USP10: variants seen among roughly 807,000 people sequenced by gnomAD.
USP10 encodes the protein ubiquitin specific peptidase 10.
Under a neutral mutation model 84.5 loss-of-function variants are expected in USP10, and 22 were observed. The ratio of observed to expected loss-of-function variants is 0.26; its 90% CI spans 0.19 to 0.37. USP10 has a LOEUF of 0.37. Ranked by LOEUF, USP10 falls within the 10% of genes least tolerant of loss-of-function variation. The pLI is 1.00. For synonymous variants in USP10, 454 were observed against 387.6 expected (o/e 1.17, Z -2.01); for missense variants, 1,019 against 998.9 (o/e 1.02, Z -0.27).
intron 11 of USP10, 67 bp from the exon 12 acceptor site, chr16:84,772,474 G>T (rs1018908887): frequency 7.3e-5 from 116 of 1,599,844 alleles, no homozygotes; most frequent in Non-Finnish European, 9.4e-5. Flanking sequence ...TGAGCGGAAG[G>T]TGGATGTGGT....
In USP10 at chr16:84,745,609, G is replaced by C. The variant is rs745745204; in HGVS notation, c.1128G>C (p.Lys376Asn). Reference sequence around the variant, plus strand: ...CCATATCTCCCCTGGTTTCTGAAAAGCAGGTTGAAGTCAAAGAAGGGCTTG... The same window carrying C: ...CCATATCTCCCCTGGTTTCTGAAAACCAGGTTGAAGTCAAAGAAGGGCTTG... ...PPAISPLVSE[K>N]QVEVKEGLVP... Residue 376 changes from lysine to asparagine, a missense_variant, in exon 4 of 14, where the codon AAG becomes AAC. Lys to Asn is a moderately conservative substitution (Grantham distance 94). This residue lies in a region of USP10 where 787 missense variants were observed against 708.8 expected (regional missense o/e 1.11). Transcript: ENST00000219473. The C allele has an allele frequency of 6.2e-7, 1 of 1,613,548 alleles. No individual in the cohort carries two copies. The highest frequency in any genetic ancestry group is 1.3e-5 in the African/African-American group (1 of 74,900).
chr16:84,718,725 C>T (rs1907387468), intron 1 of USP10, among the ~76,000 whole-genome samples: 1 of 151,816 alleles, frequency 6.6e-6, no homozygotes. Flanking sequence ...CACTGCACTC[C>T]AGGTTGGGCA....
Position 84,778,928 on chromosome 16 carries a change from G to A in USP10, c.2243G>A (p.Gly748Asp), listed in dbSNP as rs1567660047. ...CATCACGGCAACAGTGCGACGGGCG[G>A]CCATTACACTACAGACGTCTTCCAG... ...VYHHGNSATGGHYTTDVFQIG... is the reference protein window; with the variant it reads ...VYHHGNSATGDHYTTDVFQIG... The change falls in exon 14 of 14, where the codon GGC becomes GAC. Residue 748 changes from glycine to aspartate, a missense_variant. Around this residue, in one of 2 missense-constraint regions of USP10, gnomAD observed 232 missense variants for 290.1 expected, o/e 0.80. Coordinates refer to ENST00000219473, the MANE Select transcript of USP10 (RefSeq NM_005153.3). The A allele has an allele frequency of 6.2e-7, 1 of 1,613,896 alleles. No homozygotes were observed. Among genetic ancestry groups the A allele is most frequent in the Non-Finnish European group, 8.5e-7 (1 of 1,179,856 alleles).
chr16:84,707,647 T>G (rs1905708942), intron 1 of USP10, among the ~76,000 whole-genome samples: 1 of 152,232 alleles, frequency 6.6e-6, no homozygotes, highest in South Asian at 2.1e-4. Context: ...TTTCTTAGGT[T>G]TACCTAATTT....
chr16:84,731,072 C>T (rs373608592), intron 1 of USP10, among the ~76,000 whole-genome samples: 49 of 150,544 alleles, frequency 3.3e-4, no homozygotes, highest in African/African-American at 1.1e-3. Flanking sequence ...CTCCACCTCC[C>T]GGGTTCAAGC....
chr16:84,761,719 G>C (rs1199540434), intron 8 of USP10, among the ~76,000 whole-genome samples: 1 of 152,250 alleles, frequency 6.6e-6, no homozygotes, highest in South Asian at 2.1e-4. Context: ...GTGTTCAGCA[G>C]AAAGCACATT....
chr16:84,704,729 C>G (rs957102782), intron 1 of USP10: 11 of 1,504,618 alleles, frequency 7.3e-6, no homozygotes, highest in East Asian at 5.0e-5. Flanking sequence ...TATTTTCTGG[C>G]TATTTGAAAG....
intron 1 of USP10, among the ~76,000 whole-genome samples, chr16:84,726,256 G>T (rs1908462035): frequency 6.6e-6 from 1 of 152,248 alleles, no homozygotes; most frequent in South Asian, 2.1e-4. Context: ...GTCTCCTGAA[G>T]CCGAAAGTGG....
chr16:84,722,567 GTCT>G (rs1226273130), intron 1 of USP10, among the ~76,000 whole-genome samples: 1 of 152,046 alleles, frequency 6.6e-6, no homozygotes, highest in African/African-American at 2.4e-5. Flanking sequence ...GATATTGTCA[GTCT>G]TCTTTTTTTG....
At chr16:84,764,595 C>T (rs1158722500) in intron 10 of USP10, among the ~76,000 whole-genome samples, 1 of 152,146 alleles carries the variant, frequency 6.6e-6, no homozygotes, top group Non-Finnish European at 1.5e-5. Context: ...CTTTGGGAGG[C>T]CAAGGCGGGT....
chr16:84,777,473 C>T (rs945266569), intron 13 of USP10, among the ~76,000 whole-genome samples: 1 of 152,194 alleles, frequency 6.6e-6, no homozygotes, highest in Non-Finnish European at 1.5e-5. Flanking sequence ...TGGGTGCTTC[C>T]TGCCCTTTCA....
chr16:84,744,621 C>G lies in USP10; in HGVS notation c.152-12C>G. The G allele has an allele frequency of 6.3e-7, 1 of 1,579,764 alleles. No homozygotes were observed. The highest frequency in any genetic ancestry group is 8.6e-7 in the Non-Finnish European group (1 of 1,161,500). ...AACTGGGTTCTTAACTAATAGTTTT[C>G]TTTCTAAACAGGACAAGAATATCAG... On this transcript the variant is annotated splice_polypyrimidine_tract_variant and intron_variant, in intron 3 of 13. Coordinates refer to ENST00000219473, the MANE Select transcript of USP10 (RefSeq NM_005153.3).
chr16:84,765,365 T>C (rs1335690348), intron 10 of USP10, among the ~76,000 whole-genome samples: 1 of 152,126 alleles, frequency 6.6e-6, no homozygotes, highest in Non-Finnish European at 1.5e-5. Context: ...CCACATCAGA[T>C]CTCTAGACCT....
At chr16:84,752,771 G>A (rs375624150) in intron 4 of USP10, among the ~76,000 whole-genome samples, 15 of 152,102 alleles carry the variant, frequency 9.9e-5, no homozygotes, top group East Asian at 3.9e-4. Flanking sequence ...TTCATAAAGC[G>A]TTAGTGTCTC....
chr16:84,775,337 A>G (rs1914890252), intron 13 of USP10, 112 bp downstream of exon 13: 2 of 1,061,462 alleles, frequency 1.9e-6, no homozygotes, highest in South Asian at 1.3e-5. Context: ...GTACTCAGGT[A>G]TCCCTGTGGC....
At chr16:84,721,824 A>C (rs1316250927) in intron 1 of USP10, among the ~76,000 whole-genome samples, 2 of 152,246 alleles carry the variant, frequency 1.3e-5, no homozygotes, top group East Asian at 3.8e-4. Flanking sequence ...CAGCCTCTCG[A>C]GTAGCTGGGA....
At chr16:84,724,093 A>G (rs1261936028) in intron 1 of USP10, among the ~76,000 whole-genome samples, 1 of 152,248 alleles carries the variant, frequency 6.6e-6, no homozygotes, top group Non-Finnish European at 1.5e-5. Context: ...TGTGTTTCAT[A>G]CAATAGCAAT....
At chr16:84,742,006 C>T (rs1487924582) in intron 3 of USP10, among the ~76,000 whole-genome samples, 1 of 152,204 alleles carries the variant, frequency 6.6e-6, no homozygotes, top group African/African-American at 2.4e-5. Flanking sequence ...GCAGCAAGCC[C>T]TTTGCAGAGG....
rs189872739 is a variant in USP10, at chr16:84,747,621, A to T, written c.1192+1948A>T. On this transcript the variant is annotated intron_variant, in intron 4 of 13. Coordinates refer to ENST00000219473, the MANE Select transcript of USP10 (RefSeq NM_005153.3). ...TCTGTTGCTCAGGCTGTAGTGCAGG[A>T]GGCACGATCTTGGCTCACTACAACC... 4.8e-3 allele frequency among the ~76,000 whole-genome samples: 577 copies of T among 120,028 alleles called. 8 individuals carry two copies. The highest frequency in any genetic ancestry group is 0.018 in the African/African-American group (547 of 31,162). 78.7% of individuals were successfully genotyped at this position (120,028 alleles called of 152,430 possible).
Sources: allele counts gnomAD v4.1 joint callset (sites outside exome capture counted in the v4.1 genomes callset), GRCh38; gene constraint gnomAD v4.1.1; regional missense constraint gnomAD v4.1.1; transcripts MANE v1.5; gene names NCBI Gene and HGNC (gene_info 2026-07-23, HGNC 2026-07-21).